Variants in GNA15 observed in about 807,000 individuals in gnomAD.
GNA15 encodes the protein G protein subunit alpha 15, also known as guanine nucleotide-binding protein subunit alpha-15.
A neutral mutation model predicts 40.1 loss-of-function variants in GNA15; 23 were observed. The ratio of observed to expected loss-of-function variants is 0.57; its 90% confidence interval spans 0.41 to 0.81. GNA15 has a LOEUF of 0.81. Among genes scored for constraint, GNA15 ranks in the 40% least tolerant of loss-of-function variants. The probability of loss-of-function intolerance (pLI) is 0.00; values close to 1 mark genes in which losing one functional copy is unlikely to be tolerated. For missense variants in GNA15, 522 were observed against 515.8 expected (o/e 1.01, Z -0.12); for synonymous variants, 226 against 210.4 (o/e 1.07, Z -0.64).
Position 3,155,972 on chromosome 19 carries a change from G to A in GNA15, c.744+20G>A, listed in dbSNP as rs751924684. The A allele has an allele frequency of 3.7e-6, 6 of 1,611,100 alleles. No homozygotes were observed. The highest frequency in any genetic ancestry group is 5.1e-6 in the Non-Finnish European group (6 of 1,178,144). On this transcript the variant is annotated intron_variant, in intron 5 of 6. Transcript: ENST00000262958. This position sits in a 1 kb window ranked among gnomAD's most constrained non-coding sequence, Gnocchi z 5.6. ...CAGGAGGTGCGCCACCGCCTCCCTC[G>A]CCCTGCCCACTTGTTGGCCCAGGGA...
At chr19:3,144,823 C>T (rs12461257) in intron 1 of GNA15, among the ~76,000 whole-genome samples, 58,997 of 147,982 alleles carry the variant, frequency 0.4, 11,432 homozygotes, top group Admixed American at 0.47. Context: ...CCACCGGGCC[C>T]GGCCCTTTAT....
chr19:3,149,038 C>T (rs77064366), intron 2 of GNA15: 7 of 465,570 alleles, frequency 1.5e-5, no homozygotes, highest in Non-Finnish European at 2.3e-5. Flanking sequence ...CAAGGACACA[C>T]ACGTACATGC....
At chr19:3,149,588 A>C (rs186562058) in intron 2 of GNA15, 1 of 157,334 alleles carries the variant, frequency 6.4e-6, no homozygotes, top group Admixed American at 6.1e-5. Context: ...ACGCTTGTAC[A>C]TGAACAAACA....
At position 3,155,554 on chromosome 19, in the gene GNA15, T is replaced by C. The variant is rs1416046079; in HGVS notation, c.615-269T>C. On this transcript the variant is annotated intron_variant, in intron 4 of 6. Transcript: ENST00000262958. The surrounding 1 kb of genome is among the most constrained non-coding windows in gnomAD (Gnocchi z 5.6). ...CTCAGATCTGTCCAACCTGCTCCCC[T>C]CTAATATGGGGGTAGAAAGCAGGCA... Among the ~76,000 whole-genome samples, 1 of 152,096 alleles carries C rather than the reference T, an allele frequency of 6.6e-6. No individual in the cohort carries two copies. The highest frequency in any genetic ancestry group is 1.5e-5 in the Non-Finnish European group (1 of 68,010).
chr19:3,146,452 T>A (rs1431136390), intron 1 of GNA15: 2 of 152,128 alleles, frequency 1.3e-5, no homozygotes, highest in African/African-American at 4.8e-5. Context: ...CCAGGGCCGG[T>A]TTGGCAGGTG....
At chr19:3,139,821 G>A (rs1914535376) in intron 1 of GNA15, among the ~76,000 whole-genome samples, 1 of 151,800 alleles carries the variant, frequency 6.6e-6, no homozygotes, top group African/African-American at 2.4e-5. Flanking sequence ...GGATCACGAG[G>A]TCAGGAGATG....
At chr19:3,147,323 CA>C (rs1914748834) in intron 1 of GNA15, among the ~76,000 whole-genome samples, 1 of 151,624 alleles carries the variant, frequency 6.6e-6, no homozygotes, top group South Asian at 2.1e-4. Flanking sequence ...GAGGCCGAGG[CA>C]GACGGATCAC....
At position 3,156,479 on chromosome 19, in the gene GNA15, CACACACAG is replaced by C. The variant is rs1438442048; in HGVS notation, c.744+528_744+535del. 3.3e-5 allele frequency among the ~76,000 whole-genome samples: 5 copies of C among 151,770 alleles called. No individual in the cohort carries two copies. In the South Asian group the frequency reaches 6.2e-4, roughly 19 times the overall value. ...ACACGCACACACAGGCACACACACG[CACACACAG>C]GCACACAGGCACACACATGCGTGCA... On this transcript the variant is annotated intron_variant, in intron 5 of 6. Coordinates refer to ENST00000262958, the MANE Select transcript of GNA15 (RefSeq NM_002068.4).
At chr19:3,144,710 A>G (rs956385116) in intron 1 of GNA15, among the ~76,000 whole-genome samples, 4 of 149,300 alleles carry the variant, frequency 2.7e-5, no homozygotes, top group African/African-American at 9.9e-5. Flanking sequence ...TTGTATTTTT[A>G]GTAGAGACGG....
chr19:3,151,906 G>A lies in GNA15; in HGVS notation c.614+71G>A. 8.5e-7 allele frequency: 1 copy of A among 1,175,806 alleles called. No homozygotes were observed. The highest frequency in any genetic ancestry group is 1.2e-6 in the Non-Finnish European group (1 of 835,088). The allele number at this position is 1,175,806 out of a possible 1,614,324, so 72.8% of individuals were successfully genotyped here. On this transcript the variant is annotated intron_variant, in intron 4 of 6. Transcript: ENST00000262958. This position sits in a 1 kb window ranked among gnomAD's most constrained non-coding sequence, Gnocchi z 5.0. ...CTGTAGGAAGGGCAAAGGAGCTGGG[G>A]CCCTGAGGGATGAGTAGGAGTTTCT...
intron 6 of GNA15, among the ~76,000 whole-genome samples, chr19:3,161,131 A>G (rs1915130827): frequency 6.6e-6 from 1 of 151,902 alleles, no homozygotes. Flanking sequence ...TTCTGTAGAG[A>G]CAGGGTTTCG....
chr19:3,156,157 A>T (rs1006579649), intron 5 of GNA15, among the ~76,000 whole-genome samples: 6 of 124,866 alleles, frequency 4.8e-5, no homozygotes, highest in African/African-American at 2.2e-4. Flanking sequence ...TTTGGTCAGG[A>T]CCCCAGACAC....
rs1488778128 is a variant in GNA15 at position 3,151,493 on chromosome 19, G to A, written c.486-214G>A. 1.6e-4 allele frequency among the ~76,000 whole-genome samples: 24 copies of A among 152,100 alleles called. No homozygotes were observed. The highest frequency in any genetic ancestry group is 1.2e-3 in the Admixed American group (19 of 15,274). On this transcript the variant is annotated intron_variant, in intron 3 of 6. Transcript: ENST00000262958. This position sits in a 1 kb window ranked among gnomAD's most constrained non-coding sequence, Gnocchi z 5.0. Reference sequence around the variant, plus strand: ...CATTCCTCATGTCACGCCATCCCTCGGGTCACCCTGCTCTGCGTGTGAAGC... The same window carrying A: ...CATTCCTCATGTCACGCCATCCCTCAGGTCACCCTGCTCTGCGTGTGAAGC...
intron 6 of GNA15, among the ~76,000 whole-genome samples, chr19:3,159,719 T>C (rs181986661): frequency 6.6e-6 from 1 of 152,310 alleles, no homozygotes; most frequent in Admixed American, 6.5e-5. Context: ...TACAATGACC[T>C]TCTTTCATGC....
rs557819925 is a variant in GNA15, at chr19:3,144,749, C to T, written c.146-3842C>T. ...TTCACCGTGTTAGCCAGGATGGTCTCGATCTCCTGACCTCGTGATCCGCCC... is the reference window on the plus strand; with the variant it reads ...TTCACCGTGTTAGCCAGGATGGTCTTGATCTCCTGACCTCGTGATCCGCCC... On this transcript the variant is annotated intron_variant, in intron 1 of 6. Transcript: ENST00000262958. Among the ~76,000 whole-genome samples, 63 of 151,084 alleles carry T rather than the reference C, an allele frequency of 4.2e-4. No individual in the cohort carries two copies. The South Asian group carries it at 4.8e-3, about 12-fold the overall frequency.
chr19:3,148,712 C>A lies in GNA15; in HGVS notation c.267C>A (p.Ser89=). ...TGGTCTACCAGAACATCTTCGTGTC[C>A]ATGCGGGCCATGATCGAGGCCATGG... ...RPLVYQNIFV[S]MRAMIEAMER... Residue 89 remains serine (S), a synonymous_variant, in exon 2 of 7, where the codon TCC becomes TCA. Coordinates refer to ENST00000262958, the MANE Select transcript of GNA15 (RefSeq NM_002068.4). 1 of 1,602,820 alleles carries A rather than the reference C, an allele frequency of 6.2e-7. No homozygotes were observed.
At chr19:3,162,324 C>T (rs1363589762) in intron 6 of GNA15, among the ~76,000 whole-genome samples, 1 of 151,850 alleles carries the variant, frequency 6.6e-6, no homozygotes, top group Non-Finnish European at 1.5e-5. Flanking sequence ...CCTGTAATCC[C>T]AGCTACTGCC....
intron 4 of GNA15, among the ~76,000 whole-genome samples, chr19:3,154,155 G>T (rs965670785): frequency 3.4e-5 from 5 of 145,566 alleles, no homozygotes; most frequent in Admixed American, 6.8e-5. Flanking sequence ...TAGATGGATG[G>T]ATGGGTGGGA....
In GNA15 at chr19:3,163,039, AGGC is replaced by A; in HGVS notation, c.*24_*26del. 6.4e-7 allele frequency: 1 copy of A among 1,559,014 alleles called. No individual in the cohort carries two copies. The highest frequency in any genetic ancestry group is 8.8e-7 in the Non-Finnish European group (1 of 1,130,772). ...CTGTGACCCAGGCCCCACCTGGGGC[AGGC>A]GGCACCGGCGGGCGGGTGGGAGGTG... On this transcript the variant is annotated 3_prime_UTR_variant, in exon 7 of 7. Coordinates refer to ENST00000262958, the MANE Select transcript of GNA15 (RefSeq NM_002068.4).
Sources: allele counts gnomAD v4.1 joint callset (sites outside exome capture counted in the v4.1 genomes callset), GRCh38; gene constraint gnomAD v4.1.1; non-coding constraint Gnocchi (gnomAD v3.1); transcripts MANE v1.5; gene names NCBI Gene and HGNC (gene_info 2026-07-23, HGNC 2026-07-21).